ARID5B: variants seen among roughly 807,000 people sequenced by gnomAD.
The protein encoded by ARID5B is AT-rich interactive domain-containing protein 5B.
In ARID5B, 13 loss-of-function variants were observed where a neutral mutation model predicts 97.2. The ratio of observed to expected loss-of-function variants is 0.13; its 90% CI spans 0.09 to 0.21. The LOEUF (loss-of-function observed/expected upper bound fraction) is 0.21. ARID5B is among the 10% of genes least tolerant of loss of function. ARID5B has a pLI of 1.00. For missense variants in ARID5B, 1,210 were observed against 1,465.3 expected (o/e 0.83, Z 2.84); for synonymous variants, 556 against 570.3 (o/e 0.97, Z 0.36).
intron 4 of ARID5B, among the ~76,000 whole-genome samples, chr10:62,037,721 A>G (rs185210062): frequency 4.6e-5 from 7 of 152,374 alleles, no homozygotes; most frequent in East Asian, 3.9e-4. Context: ...ATATAAAGAC[A>G]TGAAAGAAAG....
At chr10:61,915,125 T>A (rs1001367361) in intron 2 of ARID5B, among the ~76,000 whole-genome samples, 3 of 152,192 alleles carry the variant, frequency 2.0e-5, no homozygotes, top group Non-Finnish European at 4.4e-5. Context: ...TAATACACTT[T>A]GAAAGGGCAC....
chr10:62,065,256 T>C (rs1839971403), intron 7 of ARID5B, among the ~76,000 whole-genome samples: 1 of 152,212 alleles, frequency 6.6e-6, no homozygotes, highest in Non-Finnish European at 1.5e-5. Flanking sequence ...TTTACCTGGG[T>C]GTAGTCTGCT....
chr10:62,067,728 T>A (rs1459530847), intron 7 of ARID5B, among the ~76,000 whole-genome samples: 1 of 152,218 alleles, frequency 6.6e-6, no homozygotes, highest in East Asian at 1.9e-4. Context: ...TGGATCCTAG[T>A]TTTGGTACTC....
intron 3 of ARID5B, among the ~76,000 whole-genome samples, chr10:61,988,754 G>A (rs115047469): frequency 6.6e-6 from 1 of 152,078 alleles, no homozygotes; most frequent in Non-Finnish European, 1.5e-5. Context: ...TCAGGCAGAC[G>A]CTCTAAAGAG....
At chr10:61,993,264 A>G (rs1461030606) in intron 3 of ARID5B, among the ~76,000 whole-genome samples, 2 of 152,164 alleles carry the variant, frequency 1.3e-5, no homozygotes, top group African/African-American at 2.4e-5. Flanking sequence ...ACCTTAAGAG[A>G]GATTGAAAAA....
chr10:62,037,286 C>T (rs1839578249), intron 4 of ARID5B, among the ~76,000 whole-genome samples: 1 of 152,172 alleles, frequency 6.6e-6, no homozygotes, highest in Non-Finnish European at 1.5e-5. Flanking sequence ...TTAATAACGT[C>T]AAAAGAATGT....
chr10:61,923,913 G>T (rs1844059005), intron 2 of ARID5B, among the ~76,000 whole-genome samples: 1 of 152,222 alleles, frequency 6.6e-6, no homozygotes, highest in Admixed American at 6.5e-5. Flanking sequence ...AATTGAGTTT[G>T]GGAAAAGCTA....
intron 7 of ARID5B, among the ~76,000 whole-genome samples, chr10:62,061,582 T>C (rs1022881385): frequency 2.6e-5 from 4 of 152,184 alleles, no homozygotes; most frequent in Non-Finnish European, 4.4e-5. Context: ...CCAGATGCTA[T>C]GCCCTCCCAT....
intron 2 of ARID5B, among the ~76,000 whole-genome samples, chr10:61,916,423 G>T (rs74485512): frequency 0.013 from 2,025 of 152,144 alleles, 49 homozygotes; most frequent in African/African-American, 0.046. Flanking sequence ...TTACTATCTG[G>T]CCCTTATATA....
intron 4 of ARID5B, among the ~76,000 whole-genome samples, chr10:62,014,806 A>G (rs1388091187): frequency 6.6e-6 from 1 of 152,196 alleles, no homozygotes; most frequent in East Asian, 1.9e-4. Context: ...AAATAATAAT[A>G]GCTTTGAACA....
chr10:61,992,822 A>G (rs2132858094), intron 3 of ARID5B, among the ~76,000 whole-genome samples: 1 of 152,220 alleles, frequency 6.6e-6, no homozygotes, highest in East Asian at 1.9e-4. Flanking sequence ...CAGCAATCTC[A>G]GGGCTGCCCC....
In ARID5B at chr10:62,096,386, G is replaced by T. The variant is rs1420415655; in HGVS notation, c.*3356G>T. On this transcript the variant is annotated 3_prime_UTR_variant, in exon 10 of 10. Transcript: ENST00000279873. ...ACAAAGTCACATTTGGTGGTGGTCA[G>T]CCAAGTCGCATCTGGTCTAGTTTTA... 2 of 233,456 alleles carry T rather than the reference G, an allele frequency of 8.6e-6. No homozygotes were observed. The highest frequency in any genetic ancestry group is 1.7e-5 in the Non-Finnish European group (2 of 117,976). The allele number at this position is 233,456 out of a possible 1,614,324, so 14.5% of individuals were successfully genotyped here.
intron 2 of ARID5B, among the ~76,000 whole-genome samples, chr10:61,939,420 T>C (rs1219413129): frequency 2.0e-5 from 3 of 152,194 alleles, no homozygotes; most frequent in Non-Finnish European, 2.9e-5. Context: ...CAATTAGAGA[T>C]GCTTAACATT....
At chr10:61,932,687 T>C (rs1357371632) in intron 2 of ARID5B, among the ~76,000 whole-genome samples, 3 of 152,204 alleles carry the variant, frequency 2.0e-5, no homozygotes, top group Non-Finnish European at 4.4e-5. Flanking sequence ...GAAAGATTAC[T>C]CTGTAGTATG....
chr10:62,079,695 A>C (rs1840185733), intron 8 of ARID5B, among the ~76,000 whole-genome samples: 1 of 152,150 alleles, frequency 6.6e-6, no homozygotes, highest in South Asian at 2.1e-4. Context: ...ATTTAGGGTC[A>C]CACACACTCC....
chr10:62,027,019 G>A (rs1839429157), intron 4 of ARID5B, among the ~76,000 whole-genome samples: 1 of 152,196 alleles, frequency 6.6e-6, no homozygotes. Flanking sequence ...ACATATGCAT[G>A]ACAAGTTGTA....
intron 8 of ARID5B, among the ~76,000 whole-genome samples, chr10:62,075,219 A>AGATGC (rs1284605475): frequency 6.6e-6 from 1 of 152,244 alleles, no homozygotes; most frequent in African/African-American, 2.4e-5. Context: ...TGCTGTAGGT[A>AGATGC]GATGCCGTCT....
At chr10:61,989,636 T>G (rs1247750020) in intron 3 of ARID5B, among the ~76,000 whole-genome samples, 1 of 152,208 alleles carries the variant, frequency 6.6e-6, no homozygotes, top group Non-Finnish European at 1.5e-5. Context: ...ATCTAAAATT[T>G]TTATGCATAG....
chr10:61,992,012 A>G (rs1045095729), intron 3 of ARID5B, among the ~76,000 whole-genome samples: 1 of 152,030 alleles, frequency 6.6e-6, no homozygotes, highest in African/African-American at 2.4e-5. Flanking sequence ...AGCCTGGGCA[A>G]CAATAGCGAA....
Sources: gnomAD v4.1 joint callset for allele counts (sites outside exome capture counted in the v4.1 genomes callset) on GRCh38, gnomAD v4.1.1 for gene constraint, MANE v1.5 for transcripts, NCBI Gene and HGNC (gene_info 2026-07-23, HGNC 2026-07-21) for gene names.